DLEU7: variants seen among roughly 807,000 people sequenced by gnomAD.
DLEU7 encodes deleted in lymphocytic leukemia 7.
Under a neutral mutation model 16.0 loss-of-function variants are expected in DLEU7, and 17 were observed. That is an observed-to-expected ratio of 1.06 (90% CI 0.73 to 1.59). The LOEUF (loss-of-function observed/expected upper bound fraction) is 1.59, where lower values mean the gene tolerates loss of function less well. Among genes scored for constraint, DLEU7 ranks in the 40% most tolerant of loss-of-function variants. DLEU7 has a pLI of 0.00. For missense variants in DLEU7, 308 were observed against 314.9 expected (o/e 0.98, Z 0.17); for synonymous variants, 113 against 139.8 (o/e 0.81, Z 1.35).
rs1194766065 is a variant in DLEU7 at position 50,769,632 on chromosome 13, TTCCATTGG to T, written c.460-56400_460-56393del. Among the ~76,000 whole-genome samples, 3 of 152,334 alleles carry T rather than the reference TTCCATTGG, an allele frequency of 2.0e-5. No homozygotes were observed. The East Asian group carries it at 5.8e-4, about 29-fold the overall frequency. On this transcript the variant is annotated intron_variant, in intron 1 of 1. Transcript: ENST00000400393. ...TGTTATTTCTGAGGCCTCTGCTCTG[TTCCATTGG>T]TCTATATTTCTGTTTTGGTACCAGT... is the stretch of plus-strand genomic sequence containing the variant.
intron 1 of DLEU7, among the ~76,000 whole-genome samples, chr13:50,771,447 G>A (rs917122711): frequency 6.6e-6 from 1 of 152,202 alleles, no homozygotes; most frequent in Non-Finnish European, 1.5e-5. Context: ...CTGTCCCAGA[G>A]ATTATGGTAT....
At chr13:50,737,572 G>C (rs1205702941) in intron 1 of DLEU7, among the ~76,000 whole-genome samples, 1 of 152,030 alleles carries the variant, frequency 6.6e-6, no homozygotes, top group Non-Finnish European at 1.5e-5. Flanking sequence ...TCTGTGATCA[G>C]TAATCCTTGA....
At chr13:50,754,588 A>C (rs1431207886) in intron 1 of DLEU7, among the ~76,000 whole-genome samples, 1 of 152,184 alleles carries the variant, frequency 6.6e-6, no homozygotes, top group East Asian at 1.9e-4. Flanking sequence ...GAGTCTCCTG[A>C]AAGCAGCAGA....
chr13:50,738,365 G>A (rs1874143861), intron 1 of DLEU7, among the ~76,000 whole-genome samples: 1 of 152,080 alleles, frequency 6.6e-6, no homozygotes, highest in Non-Finnish European at 1.5e-5. Context: ...ATATTTTTTG[G>A]GAGAGGAGTA....
intron 1 of DLEU7, among the ~76,000 whole-genome samples, chr13:50,814,874 G>A (rs569218308): frequency 2.7e-5 from 4 of 150,894 alleles, no homozygotes; most frequent in African/African-American, 9.7e-5. Context: ...TTTTGCTATT[G>A]TACTACAGTC....
intron 1 of DLEU7, among the ~76,000 whole-genome samples, chr13:50,784,226 G>A (rs1875738181): frequency 2.0e-5 from 3 of 152,288 alleles, no homozygotes; most frequent in Non-Finnish European, 4.4e-5. Context: ...TTCACTTCAA[G>A]ACATATTAAA....
chr13:50,725,532 A>G (rs555657395), intron 1 of DLEU7, among the ~76,000 whole-genome samples: 7 of 152,310 alleles, frequency 4.6e-5, no homozygotes, highest in African/African-American at 1.4e-4. Flanking sequence ...GGAATTAGCT[A>G]TCTATGAGAT....
At chr13:50,822,532 A>T, downstream of DLEU7, 1 of 737,032 alleles carries the variant, frequency 1.4e-6, no homozygotes, top group Non-Finnish European at 1.7e-6. Context: ...CCGGCTCTAA[A>T]CGGTTTGGGA....
intron 1 of DLEU7, among the ~76,000 whole-genome samples, chr13:50,804,594 C>T (rs563174775): frequency 3.9e-5 from 6 of 152,030 alleles, no homozygotes; most frequent in African/African-American, 7.2e-5. Context: ...CAGGCATGCA[C>T]CACCACACCC....
intron 1 of DLEU7, among the ~76,000 whole-genome samples, chr13:50,736,777 G>A (rs1874082188): frequency 6.6e-6 from 1 of 151,816 alleles, no homozygotes; most frequent in Non-Finnish European, 1.5e-5. Context: ...TGGAGAGAAA[G>A]GAGAAATGGA....
At chr13:50,785,512 A>G (rs1475241956) in intron 1 of DLEU7, among the ~76,000 whole-genome samples, 1 of 152,186 alleles carries the variant, frequency 6.6e-6, no homozygotes, top group African/African-American at 2.4e-5. Context: ...TGAGTGCTGA[A>G]TAGTCCTTAC....
chr13:50,763,859 A>C (rs1300453536), intron 1 of DLEU7, among the ~76,000 whole-genome samples: 1 of 152,048 alleles, frequency 6.6e-6, no homozygotes, highest in Admixed American at 6.5e-5. Flanking sequence ...TGCAAACAAC[A>C]CTAGTATTTC....
At chr13:50,782,144 A>G (rs909241287) in intron 1 of DLEU7, among the ~76,000 whole-genome samples, 15 of 152,176 alleles carry the variant, frequency 9.9e-5, no homozygotes, top group Non-Finnish European at 1.9e-4. Flanking sequence ...TGGTCTGATC[A>G]TGACTCCTCA....
chr13:50,754,640 C>A (rs1347146410), intron 1 of DLEU7, among the ~76,000 whole-genome samples: 4 of 152,164 alleles, frequency 2.6e-5, no homozygotes, highest in Non-Finnish European at 5.9e-5. Flanking sequence ...AGTTCTGTAT[C>A]TTTTAAGTGG....
chr13:50,835,729 G>A (rs776303997), intron 1 of DLEU7, among the ~76,000 whole-genome samples: 16 of 152,196 alleles, frequency 1.1e-4, no homozygotes, highest in Admixed American at 2.6e-4. Context: ...CGGAAAAACC[G>A]CCACACTGTG....
intron 1 of DLEU7, among the ~76,000 whole-genome samples, chr13:50,840,827 A>G (rs1384629548): frequency 6.6e-6 from 1 of 152,170 alleles, no homozygotes; most frequent in Non-Finnish European, 1.5e-5. Context: ...AAAAATGAAG[A>G]TGAGTAGAAA....
At chr13:50,713,715 G>A (rs1394151846) in intron 1 of DLEU7, among the ~76,000 whole-genome samples, 1 of 152,162 alleles carries the variant, frequency 6.6e-6, no homozygotes, top group South Asian at 2.1e-4. Context: ...CATACGGTAG[G>A]CATTCAGTTA....
At chr13:50,769,225 C>T (rs967447236) in intron 1 of DLEU7, among the ~76,000 whole-genome samples, 10 of 152,240 alleles carry the variant, frequency 6.6e-5, no homozygotes, top group Admixed American at 3.9e-4. Context: ...AATTTTCTCC[C>T]ATTCTGTAGG....
At chr13:50,738,435 CG>C (rs1707083198) in intron 1 of DLEU7, among the ~76,000 whole-genome samples, 3 of 152,096 alleles carry the variant, frequency 2.0e-5, no homozygotes, top group African/African-American at 7.2e-5. Context: ...AGCAGACCAA[CG>C]TTCAGTCAGA....
Sources: gnomAD v4.1 joint callset for allele counts (sites outside exome capture counted in the v4.1 genomes callset) on GRCh38, gnomAD v4.1.1 for gene constraint, MANE v1.5 for transcripts, NCBI Gene and HGNC (gene_info 2026-07-23, HGNC 2026-07-21) for gene names.